Variants in ETV6 observed in about 807,000 individuals in gnomAD.
ETV6 encodes transcription factor ETV6.
A neutral mutation model predicts 51.1 loss-of-function variants in ETV6; 16 were observed. The ratio of observed to expected loss-of-function variants is 0.31; its 90% CI spans 0.21 to 0.48. The LOEUF (loss-of-function observed/expected upper bound fraction) is 0.48, where lower values mean the gene tolerates loss of function less well. Among genes scored for constraint, ETV6 ranks in the 20% least tolerant of loss-of-function variants. The pLI, the probability that ETV6 is intolerant of heterozygous loss-of-function variation, is 0.99. For missense variants in ETV6, 458 were observed against 594.8 expected, an observed-to-expected ratio of 0.77 and a Z score of 2.39; for synonymous variants, 240 against 224.1, an observed-to-expected ratio of 1.07 and a Z score of -0.64.
At position 11,845,844 on chromosome 12, in the gene ETV6, C is replaced by A. The variant is rs1349798470; in HGVS notation, c.328+6540C>A. Among the ~76,000 whole-genome samples, 3 of 151,872 alleles carry A rather than the reference C, an allele frequency of 2.0e-5. No homozygotes were observed. In the South Asian group the frequency reaches 6.2e-4, roughly 32 times the overall value. On this transcript the variant is annotated intron_variant, in intron 3 of 7. Coordinates refer to ENST00000396373, the MANE Select transcript of ETV6 (RefSeq NM_001987.5). ...CATCTCTACCAAAAATGCAAAAAAT[C>A]AGCCGGGCGTGGTGGCACGCACCTG...
intron 1 of ETV6, among the ~76,000 whole-genome samples, chr12:11,677,077 A>G (rs1490815383): frequency 6.6e-6 from 1 of 152,254 alleles, no homozygotes; most frequent in African/African-American, 2.4e-5. Context: ...TGGTTTTTAA[A>G]TTGAGTTTCT....
chr12:11,664,422 G>C (rs1011195942), intron 1 of ETV6, among the ~76,000 whole-genome samples: 1 of 152,098 alleles, frequency 6.6e-6, no homozygotes, highest in East Asian at 1.9e-4. Context: ...TTTTCTTGGT[G>C]GAGGTTTCTG....
chr12:11,870,678 C>T (rs1245572628), intron 5 of ETV6, among the ~76,000 whole-genome samples: 5 of 152,186 alleles, frequency 3.3e-5, no homozygotes, highest in Non-Finnish European at 4.4e-5. Flanking sequence ...TAGAGCATTT[C>T]TCCATTAGAT....
chr12:11,814,159 G>A (rs915210281), intron 2 of ETV6, among the ~76,000 whole-genome samples: 5 of 152,076 alleles, frequency 3.3e-5, no homozygotes, highest in African/African-American at 7.2e-5. Flanking sequence ...CCAAAGTTCT[G>A]TAAAATGCCG....
At chr12:11,656,824 C>CT (rs34349962) in intron 1 of ETV6, among the ~76,000 whole-genome samples, 9,689 of 147,232 alleles carry the variant, frequency 0.066, 696 homozygotes, top group East Asian at 0.21. Context: ...CCTTATACAA[C>CT]TTTTTTTTTT....
chr12:11,779,791 G>C (rs1263039171), intron 2 of ETV6, among the ~76,000 whole-genome samples: 1 of 152,154 alleles, frequency 6.6e-6, no homozygotes, highest in African/African-American at 2.4e-5. Flanking sequence ...GGTATAGACG[G>C]TGCTCACTGT....
At chr12:11,884,086 A>T (rs562839234) in intron 5 of ETV6, among the ~76,000 whole-genome samples, 1 of 152,280 alleles carries the variant, frequency 6.6e-6, no homozygotes, top group South Asian at 2.1e-4. Context: ...CCTGCATTTA[A>T]CACACATTCA....
chr12:11,836,651 T>C (rs1165618080), intron 2 of ETV6, among the ~76,000 whole-genome samples: 1 of 152,190 alleles, frequency 6.6e-6, no homozygotes, highest in African/African-American at 2.4e-5. Flanking sequence ...TTTTCTTCCA[T>C]AGAATATAAA....
chr12:11,878,232 GAAATC>G (rs1470108311), intron 5 of ETV6, among the ~76,000 whole-genome samples: 2 of 152,126 alleles, frequency 1.3e-5, no homozygotes, highest in Non-Finnish European at 2.9e-5. Context: ...GAACAACTGA[GAAATC>G]AAAGAGCCCT....
At chr12:11,696,346 T>G (rs1320995743) in intron 1 of ETV6, among the ~76,000 whole-genome samples, 1 of 152,224 alleles carries the variant, frequency 6.6e-6, no homozygotes, top group Admixed American at 6.5e-5. Context: ...GGCAGATCAT[T>G]GTTAAAACAA....
In ETV6 at chr12:11,874,640, G is replaced by GTA. The variant is rs1272929371; in HGVS notation, c.1009+4676_1009+4677dup. Among the ~76,000 whole-genome samples, 4 of 5,680 alleles carry GTA rather than the reference G, an allele frequency of 7.0e-4. 2 individuals carry two copies. Among genetic ancestry groups the GTA allele is most frequent in the Non-Finnish European group, 1.5e-3 (2 of 1,346 alleles). 3.7% of individuals were successfully genotyped at this position (5,680 alleles called of 152,430 possible). On this transcript the variant is annotated intron_variant, in intron 5 of 7. Coordinates refer to ENST00000396373, the MANE Select transcript of ETV6 (RefSeq NM_001987.5). ...TACACACATATGTGTATGTGTGTGTGTATATACACATATGTGTGTATATGT... is the reference window on the plus strand; with the variant it reads ...TACACACATATGTGTATGTGTGTGTGTATATATACACATATGTGTGTATATGT...
intron 2 of ETV6, among the ~76,000 whole-genome samples, chr12:11,777,128 T>C (rs1250943289): frequency 6.6e-6 from 1 of 150,662 alleles, no homozygotes; most frequent in Non-Finnish European, 1.5e-5. Flanking sequence ...TAGTCCCAGC[T>C]ACTCGGGAGG....
chr12:11,806,562 G>C (rs886641240), intron 2 of ETV6, among the ~76,000 whole-genome samples: 3 of 152,186 alleles, frequency 2.0e-5, no homozygotes, highest in Non-Finnish European at 4.4e-5. Context: ...TGATGAATCT[G>C]CCATTTTTAG....
At chr12:11,687,246 C>T (rs1281309801) in intron 1 of ETV6, among the ~76,000 whole-genome samples, 7 of 148,422 alleles carry the variant, frequency 4.7e-5, no homozygotes, top group Non-Finnish European at 7.4e-5. Flanking sequence ...CTGCAACCTC[C>T]GGCTCCCCGC....
chr12:11,684,170 A>G (rs1242391137), intron 1 of ETV6, among the ~76,000 whole-genome samples: 2 of 152,240 alleles, frequency 1.3e-5, no homozygotes. Context: ...TGTAAACATC[A>G]TGTGTACATG....
At chr12:11,791,563 G>A (rs1945593797) in intron 2 of ETV6, among the ~76,000 whole-genome samples, 1 of 152,222 alleles carries the variant, frequency 6.6e-6, no homozygotes. Flanking sequence ...ACAAGTAGTT[G>A]TAGCTTTGTA....
intron 1 of ETV6, among the ~76,000 whole-genome samples, chr12:11,678,414 A>C (rs556338688): frequency 3.8e-4 from 58 of 152,334 alleles, no homozygotes; most frequent in African/African-American, 1.2e-3. Context: ...GTTGGCAATT[A>C]GAGGCGCATT....
chr12:11,732,015 C>T (rs1171169053), intron 1 of ETV6, among the ~76,000 whole-genome samples: 8 of 152,154 alleles, frequency 5.3e-5, no homozygotes, highest in Admixed American at 6.5e-5. Context: ...CCCAAGAAGG[C>T]GACCAGTTCA....
rs1354714872 is a variant in ETV6, at chr12:11,892,879, TGAG to T, written c.*1837_*1839del. ...GACTATGGTTCAAGGACACTGGAAT[TGAG>T]GAGCTGATCAAGGCTCTCTTCAGCC... On this transcript the variant is annotated 3_prime_UTR_variant, in exon 8 of 8. Coordinates refer to ENST00000396373, the MANE Select transcript of ETV6 (RefSeq NM_001987.5). 1.7e-5 allele frequency: 4 copies of T among 232,974 alleles called. No individual in the cohort carries two copies. The East Asian group carries it at 1.8e-4, about 11-fold the overall frequency. 14.4% of individuals were successfully genotyped at this position (232,974 alleles called of 1,614,324 possible). A position where few individuals can be genotyped will look rare whatever the true frequency, so the allele number is the denominator to read the frequency against.
Sources: allele counts gnomAD v4.1 joint callset (sites outside exome capture counted in the v4.1 genomes callset), GRCh38; gene constraint gnomAD v4.1.1; transcripts MANE v1.5; gene names NCBI Gene and HGNC (gene_info 2026-07-23, HGNC 2026-07-21).